The following NFX1 variants were observed in gnomAD, a reference collection of about 807,000 sequenced individuals.
NFX1 encodes nuclear transcription factor, X-box binding 1.
In NFX1, 69 loss-of-function variants were observed where a neutral mutation model predicts 137.2. The observed-to-expected ratio is 0.50, with a 90% CI of 0.41 to 0.61. NFX1 has a LOEUF of 0.61. NFX1 is among the 20% of genes least tolerant of loss of function. NFX1 has a pLI of 0.00. For missense variants in NFX1, 1,167 were observed against 1,391.0 expected (o/e 0.84, Z 2.56); for synonymous variants, 495 against 474.1 (o/e 1.04, Z -0.57).
chr9:33,293,307 A>G (rs1298710521), intron 1 of NFX1, among the ~76,000 whole-genome samples: 1 of 152,188 alleles, frequency 6.6e-6, no homozygotes, highest in Non-Finnish European at 1.5e-5. Flanking sequence ...TACCTAATAA[A>G]TGTTAGGCCT....
In NFX1 at chr9:33,294,589, C is replaced by T; in HGVS notation, c.195C>T (p.Ile65=). Reference sequence around the variant, plus strand: ...CCAGGCAGGTCCCTTATGATGAAATCTCTGCTGTTCATCAGCATAGTTATC... The same window carrying T: ...CCAGGCAGGTCCCTTATGATGAAATTTCTGCTGTTCATCAGCATAGTTATC... ...HLSRQVPYDE[I]SAVHQHSYHP... The change falls in exon 2 of 24, where the codon ATC becomes ATT. Residue 65 remains isoleucine (I), a synonymous_variant. Coordinates refer to ENST00000379540, the MANE Select transcript of NFX1 (RefSeq NM_002504.6). 6.2e-7 allele frequency: 1 copy of T among 1,614,180 alleles called. No individual in the cohort carries two copies. Among genetic ancestry groups the T allele is most frequent in the Non-Finnish European group, 8.5e-7 (1 of 1,180,028 alleles).
At chr9:33,301,626 A>G (rs1478247681) in intron 3 of NFX1, among the ~76,000 whole-genome samples, 1 of 152,244 alleles carries the variant, frequency 6.6e-6, no homozygotes, top group Non-Finnish European at 1.5e-5. Context: ...ATTAAAATAT[A>G]TTTTAAGATA....
intron 5 of NFX1, among the ~76,000 whole-genome samples, chr9:33,310,416 T>G (rs1359773512): frequency 6.6e-6 from 1 of 152,184 alleles, no homozygotes; most frequent in Non-Finnish European, 1.5e-5. Flanking sequence ...AAGAGGGCAG[T>G]ATATATTTGA....
intron 5 of NFX1, among the ~76,000 whole-genome samples, chr9:33,310,244 A>G (rs1444610294): frequency 1.3e-5 from 2 of 151,880 alleles, no homozygotes; most frequent in African/African-American, 2.4e-5. Flanking sequence ...CATCTGATTA[A>G]TTAGTCTTGG....
chr9:33,349,979 C>T (rs894112799), intron 15 of NFX1, among the ~76,000 whole-genome samples: 3 of 151,964 alleles, frequency 2.0e-5, no homozygotes, highest in Admixed American at 6.6e-5. Flanking sequence ...TGCCCTCCAG[C>T]CTAGGCAACA....
intron 9 of NFX1, among the ~76,000 whole-genome samples, chr9:33,327,256 C>T (rs947898300): frequency 6.6e-6 from 1 of 152,186 alleles, no homozygotes; most frequent in African/African-American, 2.4e-5. Flanking sequence ...AACTCCTAGG[C>T]TCAAGCAGTC....
chr9:33,359,646 G>C (rs1350904189), intron 19 of NFX1, among the ~76,000 whole-genome samples: 1 of 152,022 alleles, frequency 6.6e-6, no homozygotes, highest in Non-Finnish European at 1.5e-5. Flanking sequence ...CATCTCATGG[G>C]GAAAACTTTA....
rs749397674 is a variant in NFX1, at chr9:33,367,504, A to C, written c.3186-11A>C. The C allele has an allele frequency of 6.2e-6, 10 of 1,612,988 alleles. 1 individual carries two copies. The highest frequency in any genetic ancestry group is 3.3e-4 in the Middle Eastern group (2 of 6,078). On this transcript the variant is annotated splice_polypyrimidine_tract_variant and intron_variant, in intron 22 of 23. Coordinates refer to ENST00000379540, the MANE Select transcript of NFX1 (RefSeq NM_002504.6). ...TCACTTTTCAATGCTTGGTGTTTTG[A>C]CTTTTATCAGGGGGAAGTCCGTTTG...
At chr9:33,319,580 G>C (rs529949611) in intron 9 of NFX1, among the ~76,000 whole-genome samples, 2 of 152,316 alleles carry the variant, frequency 1.3e-5, no homozygotes, top group Non-Finnish European at 2.9e-5. Context: ...TAGGATCTCA[G>C]CTCACTGCAG....
intron 1 of NFX1, among the ~76,000 whole-genome samples, chr9:33,291,763 C>T (rs1821170038): frequency 6.6e-6 from 1 of 152,140 alleles, no homozygotes; most frequent in South Asian, 2.1e-4. Context: ...ATTAGCTGGG[C>T]ATGGTGGCAC....
intron 12 of NFX1, among the ~76,000 whole-genome samples, chr9:33,342,288 C>T (rs947094453): frequency 1.3e-5 from 2 of 152,014 alleles, no homozygotes; most frequent in African/African-American, 2.4e-5. Context: ...GGTGAAACCT[C>T]GTCTCTACTA....
rs1822269671 is a variant in NFX1 at position 33,318,776 on chromosome 9, A to T, written c.1634A>T (p.Asp545Val). Reference sequence around the variant, plus strand: ...TCCCGAGATGTGTTATGTGGAACCGATGTAGGAAAGTCTGATGGATTTGGG... The same window carrying T: ...TCCCGAGATGTGTTATGTGGAACCGTTGTAGGAAAGTCTGATGGATTTGGG... ...STSRDVLCGT[D>V]VGKSDGFGDF... The change falls in exon 8 of 24, where the codon GAT becomes GTT. Residue 545 changes from aspartate to valine, a missense_variant. Asp to Val is a radical substitution (Grantham distance 152). Around this residue, in one of 3 missense-constraint regions of NFX1, gnomAD observed 488 missense variants for 691.5 expected, o/e 0.71. Coordinates refer to ENST00000379540, the MANE Select transcript of NFX1 (RefSeq NM_002504.6). 3 of 1,614,032 alleles carry T rather than the reference A, an allele frequency of 1.9e-6. No homozygotes were observed. Among genetic ancestry groups the T allele is most frequent in the Non-Finnish European group, 2.5e-6 (3 of 1,180,034 alleles).
At chr9:33,353,942 GGT>G in intron 17 of NFX1, 142 bp from the exon 18 acceptor site, 1 of 633,592 alleles carries the variant, frequency 1.6e-6, no homozygotes, top group South Asian at 2.3e-5. Context: ...CACCTGCCTT[GGT>G]TTCCCAAAGT....
At chr9:33,338,059 AAAG>A (rs1564131389) in intron 11 of NFX1, among the ~76,000 whole-genome samples, 1 of 151,438 alleles carries the variant, frequency 6.6e-6, no homozygotes, top group Non-Finnish European at 1.5e-5. Flanking sequence ...AGAAAAAAAA[AAAG>A]AAAGCAAAAA....
intron 23 of NFX1, among the ~76,000 whole-genome samples, chr9:33,369,472 T>C (rs925511286): frequency 6.6e-6 from 1 of 152,236 alleles, no homozygotes; most frequent in African/African-American, 2.4e-5. Flanking sequence ...TAAATGCCCA[T>C]GTGCCCATTA....
At chr9:33,296,737 A>G (rs971200642) in intron 2 of NFX1, among the ~76,000 whole-genome samples, 1 of 152,194 alleles carries the variant, frequency 6.6e-6, no homozygotes, top group Admixed American at 6.5e-5. Context: ...GGGGGAAAAA[A>G]GTTACTTTAG....
chr9:33,301,121 C>T (rs1821547053), intron 2 of NFX1, 142 bp from the exon 3 acceptor site: 1 of 759,264 alleles, frequency 1.3e-6, no homozygotes, highest in Non-Finnish European at 2.1e-6. Context: ...TAGCCAGCTG[C>T]CTTACCCAGA....
chr9:33,337,147 G>A (rs868227850), intron 11 of NFX1, among the ~76,000 whole-genome samples: 1 of 152,040 alleles, frequency 6.6e-6, no homozygotes, highest in South Asian at 2.1e-4. Flanking sequence ...TTAAATTTTC[G>A]ATAGAAACAC....
intron 3 of NFX1, 66 bp from the exon 4 acceptor site, chr9:33,303,125 A>C (rs1587821565): frequency 1.6e-6 from 2 of 1,288,716 alleles, no homozygotes; most frequent in East Asian, 4.6e-5. Flanking sequence ...ATAGATTTAA[A>C]TTTTTTTAAT....
Sources: gnomAD v4.1 joint callset for allele counts (sites outside exome capture counted in the v4.1 genomes callset) on GRCh38, gnomAD v4.1.1 for gene constraint, gnomAD v4.1.1 regional missense constraint, MANE v1.5 for transcripts, NCBI Gene and HGNC (gene_info 2026-07-23, HGNC 2026-07-21) for gene names.